Variants in CPE observed in about 807,000 individuals in gnomAD.
CPE encodes the protein carbocypeptidase E.
CPE carries 17 observed loss-of-function variants against 53.5 expected under a neutral mutation model. The observed-to-expected ratio is 0.32, with a 90% CI of 0.22 to 0.48. CPE has a LOEUF of 0.48. CPE is among the 20% of genes least tolerant of loss of function. CPE has a pLI of 0.99. For synonymous variants in CPE, 226 were observed against 228.8 expected (o/e 0.99, Z 0.11); for missense variants, 524 against 614.7 (o/e 0.85, Z 1.56).
At position 165,392,875 on chromosome 4, in the gene CPE, A is replaced by G. The variant is rs946310779; in HGVS notation, c.307+13347A>G. Among the ~76,000 whole-genome samples, 3 of 147,838 alleles carry G rather than the reference A, an allele frequency of 2.0e-5. No homozygotes were observed. In the Admixed American group the frequency reaches 2.0e-4, roughly 10 times the overall value. ...TATATAGTCTGTTATAATATATCAC[A>G]TATATAAATAATATATATATAAATC... On this transcript the variant is annotated intron_variant, in intron 1 of 8. Coordinates refer to ENST00000402744, the MANE Select transcript of CPE (RefSeq NM_001873.4).
In CPE at chr4:165,405,692, G is replaced by A. The variant is rs7680390; in HGVS notation, c.307+26164G>A. On this transcript the variant is annotated intron_variant, in intron 1 of 8. Coordinates refer to ENST00000402744, the MANE Select transcript of CPE (RefSeq NM_001873.4). ...TCCTCTGGAAGTTTTAGTCCTGGTC[G>A]CAGAGATTCCACCAATTGGTCAACC... 8.5e-3 allele frequency: 6,820 copies of A among 804,102 alleles called. 305 individuals are homozygous for A. The African/African-American group carries it at 0.098, about 12-fold the overall frequency. The allele number at this position is 804,102 out of a possible 1,614,324, so 49.8% of individuals were successfully genotyped here.
At position 165,497,622 on chromosome 4, in the gene CPE, G is replaced by T; in HGVS notation, c.*12G>T. 1 of 1,494,720 alleles carries T rather than the reference G, an allele frequency of 6.7e-7. No homozygotes were observed. 92.6% of individuals were successfully genotyped at this position (1,494,720 alleles called of 1,614,324 possible). ...CTTTAAATTTTTAAAAAGGCTTCTA[G>T]TTAGCTGCTTTAAATCTATCTATAT... On this transcript the variant is annotated 3_prime_UTR_variant, in exon 9 of 9. Coordinates refer to ENST00000402744, the MANE Select transcript of CPE (RefSeq NM_001873.4).
At chr4:165,409,359 A>G (rs987140300) in intron 1 of CPE, among the ~76,000 whole-genome samples, 25 of 152,074 alleles carry the variant, frequency 1.6e-4, no homozygotes, top group African/African-American at 5.6e-4. Flanking sequence ...GTGTGCTACC[A>G]TGCCTGGCTA....
intron 6 of CPE, among the ~76,000 whole-genome samples, chr4:165,488,985 A>G (rs946794954): frequency 7.2e-5 from 11 of 152,212 alleles, no homozygotes; most frequent in African/African-American, 2.7e-4. Flanking sequence ...ATTAAAGAGC[A>G]CTCATTCCAC....
chr4:165,428,955 G>T (rs528039695), intron 1 of CPE, among the ~76,000 whole-genome samples: 1 of 152,116 alleles, frequency 6.6e-6, no homozygotes, highest in Non-Finnish European at 1.5e-5. Flanking sequence ...TCAGGGATTA[G>T]GGCATGGATA....
intron 7 of CPE, among the ~76,000 whole-genome samples, chr4:165,494,192 T>G (rs1732661232): frequency 6.6e-6 from 1 of 152,212 alleles, no homozygotes; most frequent in African/African-American, 2.4e-5. Flanking sequence ...TGTCAGCCCA[T>G]GTAGCCCCTT....
intron 1 of CPE, among the ~76,000 whole-genome samples, chr4:165,412,635 A>G (rs1731059823): frequency 6.6e-6 from 1 of 152,194 alleles, no homozygotes; most frequent in South Asian, 2.1e-4. Flanking sequence ...TCTTGGCACC[A>G]CTCAGTCCTG....
intron 3 of CPE, among the ~76,000 whole-genome samples, chr4:165,473,943 A>G (rs1732250433): frequency 6.6e-6 from 1 of 152,262 alleles, no homozygotes; most frequent in Non-Finnish European, 1.5e-5. Context: ...ACTCTGTCCC[A>G]GAGCCCTTTG....
At chr4:165,470,147 T>G (rs1025945279) in intron 3 of CPE, among the ~76,000 whole-genome samples, 1 of 152,012 alleles carries the variant, frequency 6.6e-6, no homozygotes, top group African/African-American at 2.4e-5. Flanking sequence ...GAGTGAAAGT[T>G]TATTAAAAAG....
rs77289680 is a variant in CPE at position 165,444,168 on chromosome 4, C to T, written c.308-20222C>T. ...ATTTAGCCCGTAACACCTATAAAGT[C>T]GGTGTTATTATTAGTCCCACATTAT... On this transcript the variant is annotated intron_variant, in intron 1 of 8. Transcript: ENST00000402744. 5.8e-3 allele frequency among the ~76,000 whole-genome samples: 886 copies of T among 152,188 alleles called. 14 individuals are homozygous for T. The highest frequency in any genetic ancestry group is 0.02 in the African/African-American group (851 of 41,520).
At chr4:165,401,623 T>C (rs1305693995) in intron 1 of CPE, among the ~76,000 whole-genome samples, 1 of 152,246 alleles carries the variant, frequency 6.6e-6, no homozygotes, top group African/African-American at 2.4e-5. Flanking sequence ...ATAGAAATTA[T>C]TATTATTTCC....
chr4:165,412,231 A>G (rs555688433), intron 1 of CPE, among the ~76,000 whole-genome samples: 3 of 152,368 alleles, frequency 2.0e-5, no homozygotes, highest in African/African-American at 7.2e-5. Context: ...CTTTATGTTT[A>G]TAAGAACAGA....
chr4:165,394,239 C>T (rs1287739986), intron 1 of CPE, among the ~76,000 whole-genome samples: 1 of 152,134 alleles, frequency 6.6e-6, no homozygotes. Flanking sequence ...GAGTTAGGGA[C>T]TGGTAAAATC....
intron 5 of CPE, among the ~76,000 whole-genome samples, chr4:165,485,588 G>C (rs2126713230): frequency 6.6e-6 from 1 of 152,202 alleles, no homozygotes; most frequent in East Asian, 1.9e-4. Context: ...AGCATGTCTA[G>C]TACATCAGAT....
chr4:165,471,300 G>A (rs575119286), intron 3 of CPE, among the ~76,000 whole-genome samples: 51 of 152,184 alleles, frequency 3.4e-4, no homozygotes, highest in African/African-American at 1.0e-3. Context: ...TCACTGGTTG[G>A]TTCACAGGAA....
chr4:165,490,459 C>G (rs1196733014), intron 6 of CPE, among the ~76,000 whole-genome samples: 1 of 151,782 alleles, frequency 6.6e-6, no homozygotes, highest in Non-Finnish European at 1.5e-5. Flanking sequence ...CGGTGAAACC[C>G]TGTCTCTACT....
At chr4:165,495,800 T>C in intron 8 of CPE, 123 bp downstream of exon 8, 2 of 563,426 alleles carry the variant, frequency 3.5e-6, no homozygotes, top group Admixed American at 3.7e-5. Flanking sequence ...AACATTGTTA[T>C]CTCAACTTAA....
At chr4:165,415,811 C>CATAT (rs144599749) in intron 1 of CPE, among the ~76,000 whole-genome samples, 1 of 150,386 alleles carries the variant, frequency 6.6e-6, no homozygotes. Context: ...AGGTATAGTG[C>CATAT]ATATATATAT....
intron 1 of CPE, among the ~76,000 whole-genome samples, chr4:165,449,322 G>T (rs1417958197): frequency 6.6e-6 from 1 of 152,240 alleles, no homozygotes; most frequent in Non-Finnish European, 1.5e-5. Context: ...ACATGTTTGT[G>T]ACACAATAAT....
Sources: gnomAD v4.1 joint callset for allele counts (sites outside exome capture counted in the v4.1 genomes callset) on GRCh38, gnomAD v4.1.1 for gene constraint, MANE v1.5 for transcripts, NCBI Gene and HGNC (gene_info 2026-07-23, HGNC 2026-07-21) for gene names.